Variants in ETS1 observed in about 807,000 individuals in gnomAD.
The protein encoded by ETS1 is ETS proto-oncogene 1, transcription factor.
In ETS1, 15 loss-of-function variants were observed where a neutral mutation model predicts 58.6. The ratio of observed to expected loss-of-function variants is 0.26; its 90% CI spans 0.17 to 0.39. ETS1 has a LOEUF of 0.39. Among genes scored for constraint, ETS1 ranks in the 10% least tolerant of loss-of-function variants. The pLI is 1.00. For synonymous variants in ETS1, 214 were observed against 218.2 expected, an observed-to-expected ratio of 0.98 and a Z score of 0.17; for missense variants, 417 against 610.5, an observed-to-expected ratio of 0.68 and a Z score of 3.34.
chr11:128,585,004 A>AAAGG (rs1565420892), intron 1 of ETS1, among the ~76,000 whole-genome samples: 3 of 39,256 alleles, frequency 7.6e-5, no homozygotes, highest in East Asian at 1.0e-3. Flanking sequence ...GGAAGGAAGG[A>AAAGG]AAGAAAGGAA....
chr11:128,568,354 A>G (rs1366359033), intron 2 of ETS1, among the ~76,000 whole-genome samples: 1 of 152,140 alleles, frequency 6.6e-6, no homozygotes, highest in Non-Finnish European at 1.5e-5. Flanking sequence ...TGTGAAGGGG[A>G]GAATGACGCA....
chr11:128,530,851 TGAGA>T (rs551119878), intron 3 of ETS1, among the ~76,000 whole-genome samples: 8 of 152,190 alleles, frequency 5.3e-5, no homozygotes, highest in Non-Finnish European at 7.3e-5. Context: ...TCCACAGCAT[TGAGA>T]GAGACCAGAT....
At chr11:128,491,212 T>C (rs1175963436) in intron 3 of ETS1, among the ~76,000 whole-genome samples, 2 of 152,174 alleles carry the variant, frequency 1.3e-5, no homozygotes, top group Non-Finnish European at 2.9e-5. Flanking sequence ...GAAATAACAA[T>C]ATTCATTCAT....
At chr11:128,540,040 A>C (rs1267179366) in intron 3 of ETS1, among the ~76,000 whole-genome samples, 1 of 152,200 alleles carries the variant, frequency 6.6e-6, no homozygotes, top group Non-Finnish European at 1.5e-5. Context: ...TGCTGGGCGC[A>C]GTGGATCATG....
chr11:128,582,385 A>G (rs1271134341), intron 1 of ETS1, among the ~76,000 whole-genome samples: 1 of 152,358 alleles, frequency 6.6e-6, no homozygotes, highest in Non-Finnish European at 1.5e-5. Flanking sequence ...ATGCTGTATA[A>G]ATAGTAAAAA....
chr11:128,490,356 T>A (rs781146474), intron 4 of ETS1, 101 bp downstream of exon 4: 73 of 1,231,566 alleles, frequency 5.9e-5, no homozygotes, highest in Non-Finnish European at 8.2e-5. Context: ...CTGACTCCAA[T>A]GTGGTTAGTG....
At position 128,556,352 on chromosome 11, in the gene ETS1, G is replaced by A. The variant is rs1864312386; in HGVS notation, c.153C>T (p.Tyr51=). 6.2e-7 allele frequency: 1 copy of A among 1,613,340 alleles called. No individual in the cohort carries two copies. The highest frequency in any genetic ancestry group is 8.5e-7 in the Non-Finnish European group (1 of 1,179,336). ...GAGTTGCCATCTCATCCCAAAAGGG[G>A]TAGCAAGGTCTTTGCTGGTGATAAT... ...QSNYHQQRPC[Y]PFWDEMATQE... Residue 51 remains tyrosine (Y), a synonymous_variant, in exon 3 of 10, where the codon TAC becomes TAT. Coordinates refer to ENST00000392668, the MANE Select transcript of ETS1 (RefSeq NM_001143820.2).
chr11:128,541,325 C>T (rs2135542577), intron 3 of ETS1, among the ~76,000 whole-genome samples: 1 of 152,322 alleles, frequency 6.6e-6, no homozygotes, highest in African/African-American at 2.4e-5. Flanking sequence ...TCTAATGTCA[C>T]TGACACCCTA....
chr11:128,575,923 A>G (rs1005643949), intron 1 of ETS1, among the ~76,000 whole-genome samples: 1 of 152,214 alleles, frequency 6.6e-6, no homozygotes, highest in Non-Finnish European at 1.5e-5. Context: ...AAAGATACCA[A>G]GGGTTTCTGT....
At chr11:128,561,492 A>C (rs1864404076) in intron 2 of ETS1, among the ~76,000 whole-genome samples, 1 of 152,252 alleles carries the variant, frequency 6.6e-6, no homozygotes, top group Non-Finnish European at 1.5e-5. Flanking sequence ...ATATTATTCA[A>C]CTTGATTACT....
At chr11:128,559,768 C>A (rs888380551) in intron 2 of ETS1, among the ~76,000 whole-genome samples, 11 of 152,322 alleles carry the variant, frequency 7.2e-5, no homozygotes, top group African/African-American at 2.6e-4. Flanking sequence ...AACAACATCA[C>A]CAGTTCCAAT....
chr11:128,524,139 T>G (rs971149920), intron 3 of ETS1, among the ~76,000 whole-genome samples: 4 of 152,208 alleles, frequency 2.6e-5, no homozygotes, highest in African/African-American at 9.6e-5. Flanking sequence ...CTCCTCAACT[T>G]TCTTCCCCAG....
intron 1 of ETS1, among the ~76,000 whole-genome samples, chr11:128,582,043 T>C (rs539075500): frequency 2.6e-5 from 4 of 152,304 alleles, no homozygotes; most frequent in African/African-American, 9.6e-5. Flanking sequence ...AAATGTAAGG[T>C]TCCAATTTCT....
At chr11:128,489,917 C>T (rs559699115) in intron 4 of ETS1, among the ~76,000 whole-genome samples, 3 of 152,220 alleles carry the variant, frequency 2.0e-5, no homozygotes, top group African/African-American at 4.8e-5. Flanking sequence ...CTATTATTCT[C>T]GATTATTTTT....
chr11:128,544,340 A>AATAT (rs10542616), intron 3 of ETS1, among the ~76,000 whole-genome samples: 7,070 of 116,932 alleles, frequency 0.06, 323 homozygotes, highest in Middle Eastern at 0.17. Context: ...ATTGTTTACT[A>AATAT]ATATATATAT....
chr11:128,480,074 G>T, intron 8 of ETS1, 117 bp downstream of exon 8: 2 of 1,344,658 alleles, frequency 1.5e-6, no homozygotes, highest in South Asian at 2.8e-5. Flanking sequence ...CTTCTCCCCC[G>T]TGCCCTGCAA....
intron 1 of ETS1, among the ~76,000 whole-genome samples, chr11:128,583,021 T>A (rs1261022161): frequency 2.0e-5 from 3 of 152,340 alleles, no homozygotes; most frequent in Admixed American, 6.5e-5. Context: ...AACTGTAATG[T>A]GCATATGAAT....
rs566353724 is a variant in ETS1, at chr11:128,531,540, C to T, written c.214+24751G>A. Among the ~76,000 whole-genome samples the T allele has an allele frequency of 3.9e-5, 6 of 152,242 alleles. No individual in the cohort carries two copies. The South Asian group carries it at 1.2e-3, about 32-fold the overall frequency. ...CGCTGTTAAAATCATGACATAGTGA[C>T]AAAGATAAGTTTTGGTCTAGGTATG... On this transcript the variant is annotated intron_variant, in intron 3 of 9. Transcript: ENST00000392668.
rs1002637829 is a variant in ETS1 at position 128,480,522 on chromosome 11, A to C, written c.863-71T>G. 24 of 1,065,366 alleles carry C rather than the reference A, an allele frequency of 2.3e-5. No homozygotes were observed. In the African/African-American group the frequency reaches 3.4e-4, roughly 15 times the overall value. The allele number at this position is 1,065,366 out of a possible 1,614,324, so 66.0% of individuals were successfully genotyped here. On this transcript the variant is annotated intron_variant, in intron 7 of 9. Coordinates refer to ENST00000392668, the MANE Select transcript of ETS1 (RefSeq NM_001143820.2). ...GTGGGAAAAAAAAAAAACTGTAAAA[A>C]CCCTCTTATGGAGGACAGATTGCTA... is the stretch of plus-strand genomic sequence containing the variant.
Sources: gnomAD v4.1 joint callset for allele counts (sites outside exome capture counted in the v4.1 genomes callset) on GRCh38, gnomAD v4.1.1 for gene constraint, MANE v1.5 for transcripts, NCBI Gene and HGNC (gene_info 2026-07-23, HGNC 2026-07-21) for gene names.